Variants in FCRL4 observed in about 807,000 individuals in gnomAD.
The protein encoded by FCRL4 is Fc receptor like 4, also known as Fc receptor-like protein 4.
In FCRL4, 43 loss-of-function variants were observed where a neutral mutation model predicts 64.1. The observed-to-expected ratio is 0.67, with a 90% CI of 0.53 to 0.87. FCRL4 has a LOEUF of 0.87. Among genes scored for constraint, FCRL4 ranks in the 40% least tolerant of loss-of-function variants. The probability of loss-of-function intolerance (pLI) is 0.00; values close to 1 mark genes in which losing one functional copy is unlikely to be tolerated. For synonymous variants in FCRL4, 253 were observed against 239.8 expected (o/e 1.05, Z -0.51); for missense variants, 656 against 613.5 (o/e 1.07, Z -0.73).
intron 5 of FCRL4, 65 bp from the exon 6 acceptor site, chr1:157,586,520 G>T (rs1238035375): frequency 6.8e-7 from 1 of 1,476,224 alleles, no homozygotes; most frequent in East Asian, 2.3e-5. Flanking sequence ...GGTAGCTGGG[G>T]TGTTGGGCAG....
At chr1:157,585,344 C>CTCTCTCTTTCTTTCTTTCTT (rs1386601138) in intron 6 of FCRL4, among the ~76,000 whole-genome samples, 41 of 81,312 alleles carry the variant, frequency 5.0e-4, no homozygotes, top group South Asian at 1.1e-3. Context: ...CTTTCTCTCT[C>CTCTCTCTTTCTTTCTTTCTT]TCTTTCTTTC....
chr1:157,593,007 G>A (rs530721644), intron 2 of FCRL4, among the ~76,000 whole-genome samples: 2 of 152,306 alleles, frequency 1.3e-5, no homozygotes, highest in South Asian at 4.1e-4. Context: ...AACACCGCAT[G>A]TTCTCACTTG....
At chr1:157,587,611 T>C (rs779308153) in intron 4 of FCRL4, 51 bp from the exon 5 acceptor site, 19 of 1,569,706 alleles carry the variant, frequency 1.2e-5, no homozygotes, top group South Asian at 1.0e-4. Flanking sequence ...TTTAGGACTC[T>C]GTGAGAGACA....
intron 6 of FCRL4, among the ~76,000 whole-genome samples, chr1:157,582,629 T>C (rs1652587447): frequency 6.6e-6 from 1 of 152,222 alleles, no homozygotes; most frequent in Non-Finnish European, 1.5e-5. Flanking sequence ...TTTCCGTTTA[T>C]TTTCATCTAT....
intron 2 of FCRL4, among the ~76,000 whole-genome samples, chr1:157,596,004 T>C (rs1477480935): frequency 6.6e-6 from 1 of 152,206 alleles, no homozygotes; most frequent in Non-Finnish European, 1.5e-5. Context: ...ACCCTTTTCC[T>C]CTTGGGATGC....
intron 1 of FCRL4, among the ~76,000 whole-genome samples, chr1:157,597,513 A>C (rs1347006532): frequency 6.6e-6 from 1 of 152,168 alleles, no homozygotes; most frequent in African/African-American, 2.4e-5. Context: ...GAAGGAAATA[A>C]CTATTCTCAG....
chr1:157,575,245 A>C lies in FCRL4; in HGVS notation c.*279T>G. On this transcript the variant is annotated 3_prime_UTR_variant, in exon 12 of 12. Transcript: ENST00000271532. ...TCTTTATCCCCCTTCTCTAAAGCAGACCCTAGGGAATACATTAGGTCAGGC... is the reference window on the plus strand; with the variant it reads ...TCTTTATCCCCCTTCTCTAAAGCAGCCCCTAGGGAATACATTAGGTCAGGC... The C allele has an allele frequency of 2.2e-6, 1 of 455,460 alleles. No individual in the cohort carries two copies. The highest frequency in any genetic ancestry group is 2.7e-5 in the South Asian group (1 of 36,530). The allele number at this position is 455,460 out of a possible 1,614,324, so 28.2% of individuals were successfully genotyped here. A position where few individuals can be genotyped will look rare whatever the true frequency, so the allele number is the denominator to read the frequency against.
intron 7 of FCRL4, 118 bp from the exon 8 acceptor site, chr1:157,580,466 A>G: frequency 9.5e-7 from 1 of 1,052,988 alleles, no homozygotes. Flanking sequence ...ACACCTGCCC[A>G]GTCCTGGGTT....
At chr1:157,585,356 T>TCTC (rs1652658724) in intron 6 of FCRL4, among the ~76,000 whole-genome samples, 21 of 66,288 alleles carry the variant, frequency 3.2e-4, no homozygotes, top group African/African-American at 1.3e-3. Context: ...CTTTCTTTCT[T>TCTC]TCTTTCTTTC....
rs769920992 is a variant in FCRL4, at chr1:157,575,549, A to T, written c.1523T>A (p.Ile508Asn). 1.9e-6 allele frequency: 3 copies of T among 1,613,680 alleles called. No homozygotes were observed. The highest frequency in any genetic ancestry group is 3.3e-5 in the Admixed American group (2 of 60,010). ...TTAACTTTCTTCATCCTTAGAGCTG[A>T]TCTTTCCAGCTGAGTTATCTGGGTG... ...TQHPDNSAGK[I>N]SSKDEES The change falls in exon 12 of 12, where the codon ATC becomes AAC. Residue 508 changes from isoleucine (I) to asparagine (N), a missense_variant. Coordinates refer to ENST00000271532, the MANE Select transcript of FCRL4 (RefSeq NM_031282.3).
chr1:157,593,699 G>T (rs1250718687), intron 2 of FCRL4, among the ~76,000 whole-genome samples: 1 of 152,068 alleles, frequency 6.6e-6, no homozygotes, highest in Non-Finnish European at 1.5e-5. Flanking sequence ...CTCTACTACC[G>T]TTGTAGAGAA....
At chr1:157,576,996 G>T (rs1466871008) in intron 10 of FCRL4, among the ~76,000 whole-genome samples, 4 of 152,166 alleles carry the variant, frequency 2.6e-5, no homozygotes, top group Non-Finnish European at 5.9e-5. Flanking sequence ...CCCAAGTGAG[G>T]TGCCATGGGT....
At chr1:157,577,068 C>A (rs1652433276) in intron 10 of FCRL4, among the ~76,000 whole-genome samples, 1 of 152,120 alleles carries the variant, frequency 6.6e-6, no homozygotes, top group African/African-American at 2.4e-5. Flanking sequence ...CCAGGTTAAT[C>A]AACCAAAGCA....
intron 2 of FCRL4, among the ~76,000 whole-genome samples, chr1:157,593,175 T>C (rs1474665944): frequency 6.6e-6 from 1 of 152,140 alleles, no homozygotes; most frequent in East Asian, 1.9e-4. Flanking sequence ...ACATGGCACA[T>C]GTATGCATAG....
Position 157,575,598 on chromosome 1 carries a change from C to A in FCRL4, c.1474G>T (p.Val492Phe). ...TLLEDKDVSV[V>F]YSEVKTQHPD... ...TGTTGTGTCTTTACCTCAGAGTAGACAACTGAGACATCCTGAAATGGAAGA... is the reference window on the plus strand; with the variant it reads ...TGTTGTGTCTTTACCTCAGAGTAGAAAACTGAGACATCCTGAAATGGAAGA... The change falls in exon 12 of 12, where the codon GTC (valine) becomes TTC (phenylalanine). Residue 492 changes from valine (V) to phenylalanine (F), a missense_variant. Val to Phe is a conservative substitution (Grantham distance 50). Transcript: ENST00000271532. The A allele has an allele frequency of 6.2e-7, 1 of 1,613,502 alleles. No homozygotes were observed. Among genetic ancestry groups the A allele is most frequent in the Non-Finnish European group, 8.5e-7 (1 of 1,179,494 alleles).
rs771807787 is a variant in FCRL4 at position 157,589,204 on chromosome 1, C to T, written c.307G>A (p.Asp103Asn). 9 of 1,611,294 alleles carry T rather than the reference C, an allele frequency of 5.6e-6. No homozygotes were observed. The highest frequency in any genetic ancestry group is 6.8e-6 in the Non-Finnish European group (8 of 1,177,990). The change falls in exon 3 of 12, where the codon GAC becomes AAC. Residue 103 changes from aspartate (D) to asparagine (N), a missense_variant and splice_region_variant. Transcript: ENST00000271532. ...SNPVRLLFSS[D>N]SLILQAPYSV... ...TCAACTAATTCACCTTCTTTCTCACCTGAAGAAAAGAGCAAGCGCACAGGG... is the reference window on the plus strand; with the variant it reads ...TCAACTAATTCACCTTCTTTCTCACTTGAAGAAAAGAGCAAGCGCACAGGG...
chr1:157,579,856 A>G (rs1652521981), intron 8 of FCRL4, among the ~76,000 whole-genome samples: 1 of 152,252 alleles, frequency 6.6e-6, no homozygotes, highest in South Asian at 2.1e-4. Flanking sequence ...AAGGAGGAAG[A>G]TGACAGTATT....
chr1:157,583,680 C>A (rs1362442811), intron 6 of FCRL4, among the ~76,000 whole-genome samples: 1 of 152,152 alleles, frequency 6.6e-6, no homozygotes, highest in African/African-American at 2.4e-5. Flanking sequence ...GCCTCCAGAA[C>A]TATGAGGAAA....
intron 2 of FCRL4, among the ~76,000 whole-genome samples, chr1:157,592,254 A>C (rs1652855370): frequency 6.6e-6 from 1 of 152,232 alleles, no homozygotes; most frequent in South Asian, 2.1e-4. Context: ...ATGGGATCTA[A>C]TTAAACTAAA....
Sources: allele counts gnomAD v4.1 joint callset (sites outside exome capture counted in the v4.1 genomes callset), GRCh38; gene constraint gnomAD v4.1.1; transcripts MANE v1.5; gene names NCBI Gene and HGNC (gene_info 2026-07-23, HGNC 2026-07-21).